The following ADAMTSL4 variants were observed in gnomAD, a reference collection of about 807,000 sequenced individuals.
ADAMTSL4 encodes ADAMTS like 4.
ADAMTSL4 carries 97 observed loss-of-function variants against 122.8 expected under a neutral mutation model. That is an observed-to-expected ratio of 0.79 (90% CI 0.67 to 0.93). The LOEUF (loss-of-function observed/expected upper bound fraction) is 0.93. Among genes scored for constraint, ADAMTSL4 ranks in the 40% least tolerant of loss-of-function variants. The probability of loss-of-function intolerance (pLI) is 0.00; values close to 1 mark genes in which losing one functional copy is unlikely to be tolerated. For synonymous variants in ADAMTSL4, 592 were observed against 568.0 expected (o/e 1.04, Z -0.60); for missense variants, 1,408 against 1,453.5 (o/e 0.97, Z 0.51).
At position 150,552,740 on chromosome 1, in the gene ADAMTSL4, C is replaced by T; in HGVS notation, c.78+140C>T. On this transcript the variant is annotated intron_variant, in intron 4 of 18. Transcript: ENST00000271643. This position sits in a 1 kb window ranked among gnomAD's most constrained non-coding sequence, Gnocchi z 4.0. ...CCCTGCCAACTCCCCAGTTCCTTGC[C>T]TCATAACACCAAGAGGCCGAGGTGT... is the stretch of plus-strand genomic sequence containing the variant. The T allele has an allele frequency of 7.6e-7, 1 of 1,316,710 alleles. No individual in the cohort carries two copies. The highest frequency in any genetic ancestry group is 1.2e-5 in the South Asian group (1 of 81,530). 81.6% of individuals were successfully genotyped at this position (1,316,710 alleles called of 1,614,324 possible). A position where few individuals can be genotyped will look rare whatever the true frequency, so the allele number is the denominator to read the frequency against.
chr1:150,560,548 C>A lies in ADAMTSL4; in HGVS notation c.*352C>A. The A allele has an allele frequency of 2.9e-6, 1 of 348,682 alleles. No individual in the cohort carries two copies. The highest frequency in any genetic ancestry group is 2.1e-5 in the African/African-American group (1 of 48,236). 21.6% of individuals were successfully genotyped at this position (348,682 alleles called of 1,614,324 possible). On this transcript the variant is annotated 3_prime_UTR_variant, in exon 19 of 19. Coordinates refer to ENST00000271643, the MANE Select transcript of ADAMTSL4 (RefSeq NM_019032.6). ...TGGAAAGGAAAGCAAGTCTGCAGTT[C>A]CTTGCTAATCTGAGCTACTTAGAGT... is the stretch of plus-strand genomic sequence containing the variant.
chr1:150,554,283 TC>T lies in ADAMTSL4; in HGVS notation c.1132-79del. 1 of 1,484,318 alleles carries T rather than the reference TC, an allele frequency of 6.7e-7. No homozygotes were observed. Among genetic ancestry groups the T allele is most frequent in the Non-Finnish European group, 9.4e-7 (1 of 1,066,330 alleles). The allele number at this position is 1,484,318 out of a possible 1,614,324, so 91.9% of individuals were successfully genotyped here. On this transcript the variant is annotated intron_variant, in intron 6 of 18. Coordinates refer to ENST00000271643, the MANE Select transcript of ADAMTSL4 (RefSeq NM_019032.6). This position sits in a 1 kb window ranked among gnomAD's most constrained non-coding sequence, Gnocchi z 4.0. ...TGGAGCTCTTCCGCTGACCTGAGCCTCCCACCTGCTCCCCAGGTTCAGCCCT... is the reference window on the plus strand; with the variant it reads ...TGGAGCTCTTCCGCTGACCTGAGCCTCCACCTGCTCCCCAGGTTCAGCCCT...
In ADAMTSL4 at chr1:150,558,074, C is replaced by T. The variant is rs1325410658; in HGVS notation, c.2307C>T (p.Leu769=). 9 of 1,613,008 alleles carry T rather than the reference C, an allele frequency of 5.6e-6. No homozygotes were observed. Among genetic ancestry groups the T allele is most frequent in the Non-Finnish European group, 7.6e-6 (9 of 1,179,974 alleles). The stretch of plus-strand genomic sequence containing the variant: ...TGCCCCCGGAGCGCTGTGGACATCT[C>T]CCCCGGCCCAACATCACCCAGTCTT... ...SSVPPERCGH[L]PRPNITQSCQ... Residue 769 remains leucine (L), a synonymous_variant, in exon 14 of 19, where the codon CTC becomes CTT. Coordinates refer to ENST00000271643, the MANE Select transcript of ADAMTSL4 (RefSeq NM_019032.6).
intron 2 of ADAMTSL4, chr1:150,550,108 C>T (rs1671243039): frequency 2.5e-6 from 1 of 407,820 alleles, no homozygotes; most frequent in Non-Finnish European, 5.0e-6. Context: ...GTGAGCCCTG[C>T]GCAGGTCTCT....
rs41317519 is a variant in ADAMTSL4 at position 150,554,155 on chromosome 1, G to C, written c.1131+33G>C. 6,522 of 1,595,254 alleles carry C rather than the reference G, an allele frequency of 4.1e-3. 26 individuals carry two copies. The highest frequency in any genetic ancestry group is 0.02 in the Middle Eastern group (104 of 5,310). ...TCCTCGGGCCTCCCCTCCCAACCCC[G>C]ACCTCCAGTGTGGCTTCCCTGCCCT... On this transcript the variant is annotated intron_variant, in intron 6 of 18. Coordinates refer to ENST00000271643, the MANE Select transcript of ADAMTSL4 (RefSeq NM_019032.6). The surrounding 1 kb of genome is among the most constrained non-coding windows in gnomAD (Gnocchi z 4.0).
chr1:150,553,740 G>T lies in ADAMTSL4; in HGVS notation c.749G>T (p.Arg250Leu). 4 of 1,611,912 alleles carry T rather than the reference G, an allele frequency of 2.5e-6. No homozygotes were observed. Among genetic ancestry groups the T allele is most frequent in the Non-Finnish European group, 3.4e-6 (4 of 1,179,328 alleles). Residue 250 changes from arginine (R) to leucine (L), a missense_variant, in exon 6 of 19, where the codon CGG becomes CTG. Physicochemically the swap from Arg to Leu is moderately radical, Grantham distance 102. Coordinates refer to ENST00000271643, the MANE Select transcript of ADAMTSL4 (RefSeq NM_019032.6). Reference sequence around the variant, plus strand: ...CCCAGAACCAGGCCTGCCCCCCTACGGCATCACCCCAGAGCCCAGGCCTCT... The same window carrying T: ...CCCAGAACCAGGCCTGCCCCCCTACTGCATCACCCCAGAGCCCAGGCCTCT... Reference protein sequence around the residue: ...VAPRTRPAPLRHHPRAQASGT... With the variant: ...VAPRTRPAPLLHHPRAQASGT...
At position 150,559,901 on chromosome 1, in the gene ADAMTSL4, C is replaced by A; in HGVS notation, c.3084C>A (p.Arg1028=). 1.2e-6 allele frequency: 2 copies of A among 1,613,926 alleles called. No individual in the cohort carries two copies. Among genetic ancestry groups the A allele is most frequent in the Non-Finnish European group, 1.7e-6 (2 of 1,180,018 alleles). ...GTAACAGCCAACCCTGCAGCCAGCG[C>A]CCTGGTAAAGAGCCCCCTCTCCCCA... ...RPCNSQPCSQ[R]PDDQCKDSSP... Residue 1028 remains arginine (R), a synonymous_variant, in exon 18 of 19, where the codon CGC becomes CGA. Coordinates refer to ENST00000271643, the MANE Select transcript of ADAMTSL4 (RefSeq NM_019032.6). The surrounding 1 kb of genome is among the most constrained non-coding windows in gnomAD (Gnocchi z 4.1).
Position 150,556,186 on chromosome 1 carries a change from G to C in ADAMTSL4, c.1396G>C (p.Gly466Arg), listed in dbSNP as rs587601334. The C allele has an allele frequency of 1.2e-4, 195 of 1,614,168 alleles. 5 individuals are homozygous for C. In the South Asian group the frequency reaches 2.0e-3, roughly 16 times the overall value. Residue 466 changes from glycine (G) to arginine (R), a missense_variant, in exon 9 of 19, where the codon GGC (glycine) becomes CGC (arginine). Gly to Arg is a moderately radical substitution (Grantham distance 125). Coordinates refer to ENST00000271643, the MANE Select transcript of ADAMTSL4 (RefSeq NM_019032.6). This position sits in a 1 kb window ranked among gnomAD's most constrained non-coding sequence, Gnocchi z 4.1. ...GAGCCCCGGCTGTGATGGGATCCTT[G>C]GCTCTGGCAGGCGTCCTGATGGCTG... ...CLSPGCDGIL[G>R]SGRRPDGCGV...
rs755089309 is a variant in ADAMTSL4, at chr1:150,559,721, G to T, written c.2944-40G>T. The T allele has an allele frequency of 2.5e-6, 4 of 1,613,312 alleles. No individual in the cohort carries two copies. Among genetic ancestry groups the T allele is most frequent in the Non-Finnish European group, 3.4e-6 (4 of 1,179,918 alleles). ...AGCCAGGGGTTAAGGAGAATCCCGG[G>T]CCTGGCAAAGGTCTGATATGATGGC... On this transcript the variant is annotated intron_variant, in intron 17 of 18. Transcript: ENST00000271643. This position sits in a 1 kb window ranked among gnomAD's most constrained non-coding sequence, Gnocchi z 4.1.
chr1:150,553,952 G>T lies in ADAMTSL4; in HGVS notation c.961G>T (p.Gly321Trp). The T allele has an allele frequency of 3.7e-6, 6 of 1,610,358 alleles. No individual in the cohort carries two copies. Among genetic ancestry groups the T allele is most frequent in the African/African-American group, 1.3e-5 (1 of 74,976 alleles). Residue 321 changes from glycine to tryptophan, a missense_variant, in exon 6 of 19, where the codon GGG (glycine) becomes TGG (tryptophan). Physicochemically the swap from Gly to Trp is radical, Grantham distance 184. Transcript: ENST00000271643. ...GGGCCAAGGGCCTTGGGGAACGGGG[G>T]GGACTCCTCACGGGCCCCGCCTGGA... ...QQGQGPWGTGGTPHGPRLEPD... is the reference protein window; with the variant it reads ...QQGQGPWGTGWTPHGPRLEPD...
In ADAMTSL4 at chr1:150,559,152, G is replaced by C; in HGVS notation, c.2750G>C (p.Gly917Ala). ...GAGAGAACTTGGCGCTGGTACACAG[G>C]GCCCTGGGGTGAGGTAAGCTGAGCG... ...PCERTWRWYT[G>A]PWGECSSECG... Residue 917 changes from glycine (G) to alanine (A), a missense_variant, in exon 16 of 19, where the codon GGG becomes GCG. Gly to Ala is a moderately conservative substitution (Grantham distance 60). Transcript: ENST00000271643. The surrounding 1 kb of genome is among the most constrained non-coding windows in gnomAD (Gnocchi z 4.1). 6.2e-7 allele frequency: 1 copy of C among 1,612,632 alleles called. No individual in the cohort carries two copies. Among genetic ancestry groups the C allele is most frequent in the South Asian group, 1.1e-5 (1 of 91,016 alleles).
chr1:150,558,196 G>A (rs1362871068), intron 14 of ADAMTSL4, 47 bp downstream of exon 14: 1 of 1,609,994 alleles, frequency 6.2e-7, no homozygotes, highest in Non-Finnish European at 8.5e-7. Flanking sequence ...AATGGGCACA[G>A]GTGAACAACA....
At chr1:150,555,792 T>C (rs587749236) in intron 8 of ADAMTSL4, among the ~76,000 whole-genome samples, 10 of 151,800 alleles carry the variant, frequency 6.6e-5, no homozygotes, top group Admixed American at 5.9e-4. Flanking sequence ...CATGCACATG[T>C]GCACACGTGC....
chr1:150,559,699 C>T lies in ADAMTSL4; in HGVS notation c.2944-62C>T. On this transcript the variant is annotated intron_variant, in intron 17 of 18. Transcript: ENST00000271643. The surrounding 1 kb of genome is among the most constrained non-coding windows in gnomAD (Gnocchi z 4.1). ...ACCTTTTGGGGAGAGAGGTGGCAGC[C>T]AGGGGTTAAGGAGAATCCCGGGCCT... is the stretch of plus-strand genomic sequence containing the variant. 3 of 1,611,194 alleles carry T rather than the reference C, an allele frequency of 1.9e-6. No homozygotes were observed. The South Asian group carries it at 3.3e-5, about 18-fold the overall frequency.
Position 150,554,144 on chromosome 1 carries a change from C to T in ADAMTSL4, c.1131+22C>T. ...AGCGGTGAGTCTCCTCGGGCCTCCC[C>T]TCCCAACCCCGACCTCCAGTGTGGC... is the stretch of plus-strand genomic sequence containing the variant. On this transcript the variant is annotated intron_variant, in intron 6 of 18. Transcript: ENST00000271643. This position sits in a 1 kb window ranked among gnomAD's most constrained non-coding sequence, Gnocchi z 4.0. 2 of 1,597,504 alleles carry T rather than the reference C, an allele frequency of 1.3e-6. No individual in the cohort carries two copies. Among genetic ancestry groups the T allele is most frequent in the Non-Finnish European group, 1.7e-6 (2 of 1,179,436 alleles).
chr1:150,559,782 G>A lies in ADAMTSL4; in HGVS notation c.2965G>A (p.Gly989Arg), dbSNP rs1672594919. Residue 989 changes from glycine (G) to arginine (R), a missense_variant, in exon 18 of 19, where the codon GGA (glycine) becomes AGA (arginine). Transcript: ENST00000271643. This position sits in a 1 kb window ranked among gnomAD's most constrained non-coding sequence, Gnocchi z 4.1. ...WSPCSRSCQG[G>R]TQTREVQCLS... ...CCAGTGTTCTCGCTCCTGCCAAGGG[G>A]GAACGCAGACACGGGAGGTCCAGTG... 1.2e-6 allele frequency: 2 copies of A among 1,613,992 alleles called. No homozygotes were observed. The highest frequency in any genetic ancestry group is 4.5e-5 in the East Asian group (2 of 44,876).
At position 150,556,234 on chromosome 1, in the gene ADAMTSL4, T is replaced by C. The variant is rs372026086; in HGVS notation, c.1444T>C (p.Ser482Pro). The change falls in exon 9 of 19, where the codon TCT becomes CCT. Residue 482 changes from serine to proline, a missense_variant. Physicochemically the swap from Ser to Pro is moderately conservative, Grantham distance 74 (BLOSUM62 -1). Coordinates refer to ENST00000271643, the MANE Select transcript of ADAMTSL4 (RefSeq NM_019032.6). This position sits in a 1 kb window ranked among gnomAD's most constrained non-coding sequence, Gnocchi z 4.1. ...DGCGVCGGDD[S>P]TCRLVSGNLT... ...CTGTGGAGTCTGTGGGGGTGATGAT[T>C]CTACCTGTCGCCTTGTTTCGGGGAA... is the stretch of plus-strand genomic sequence containing the variant. 28 of 1,614,044 alleles carry C rather than the reference T, an allele frequency of 1.7e-5. No individual in the cohort carries two copies. In the African/African-American group the frequency reaches 2.7e-4, roughly 15 times the overall value.
Position 150,553,183 on chromosome 1 carries a change from G to A in ADAMTSL4, c.364G>A (p.Gly122Ser), listed in dbSNP as rs1671615648. ...GTACAGGACACAGTCTCGGGGAAGG[G>A]GTGGCCCACTTCGAGGTCCCGCTTC... ...PLYRTQSRGRGGPLRGPASHL... is the reference protein window; with the variant it reads ...PLYRTQSRGRSGPLRGPASHL... Residue 122 changes from glycine (G) to serine (S), a missense_variant, in exon 5 of 19, where the codon GGT (glycine) becomes AGT (serine). By Grantham distance (56) the Gly-to-Ser change is moderately conservative. Coordinates refer to ENST00000271643, the MANE Select transcript of ADAMTSL4 (RefSeq NM_019032.6). The A allele has an allele frequency of 6.2e-7, 1 of 1,609,276 alleles. No individual in the cohort carries two copies. Among genetic ancestry groups the A allele is most frequent in the Non-Finnish European group, 8.5e-7 (1 of 1,177,504 alleles).
At position 150,560,101 on chromosome 1, in the gene ADAMTSL4, G is replaced by A. The variant is rs1299078208; in HGVS notation, c.3130G>A (p.Val1044Ile). ...CAGCTCTCCACATTGCCCCCTGGTG[G>A]TACAGGCCCGGCTCTGCGTCTACCC... is the stretch of plus-strand genomic sequence containing the variant. ...KDSSPHCPLV[V>I]QARLCVYPYY... is the part of the protein sequence containing the mutation. The change falls in exon 19 of 19, where the codon GTA (valine) becomes ATA (isoleucine). Residue 1044 changes from valine to isoleucine, a missense_variant. Transcript: ENST00000271643. 1.9e-6 allele frequency: 3 copies of A among 1,614,082 alleles called. No homozygotes were observed. The highest frequency in any genetic ancestry group is 8.5e-7 in the Non-Finnish European group (1 of 1,180,008).
Sources: allele counts gnomAD v4.1 joint callset (sites outside exome capture counted in the v4.1 genomes callset), GRCh38; gene constraint gnomAD v4.1.1; non-coding constraint Gnocchi (gnomAD v3.1); transcripts MANE v1.5; gene names NCBI Gene and HGNC (gene_info 2026-07-23, HGNC 2026-07-21).